HECW2: variants seen among roughly 807,000 people sequenced by gnomAD.
HECW2 encodes E3 ubiquitin-protein ligase HECW2.
In HECW2, 61 loss-of-function variants were observed where a neutral mutation model predicts 175.2. The ratio of observed to expected loss-of-function variants is 0.35; its 90% confidence interval spans 0.28 to 0.43. HECW2 has a LOEUF of 0.43. Among genes scored for constraint, HECW2 ranks in the 20% least tolerant of loss-of-function variants. The pLI, the probability that HECW2 is intolerant of heterozygous loss-of-function variation, is 1.00. For synonymous variants in HECW2, 671 were observed against 731.0 expected, an observed-to-expected ratio of 0.92 and a Z score of 1.32; for missense variants, 1,524 against 2,000.5, an observed-to-expected ratio of 0.76 and a Z score of 4.54.
chr2:196,457,226 C>T (rs879318702), intron 1 of HECW2, among the ~76,000 whole-genome samples: 2 of 152,232 alleles, frequency 1.3e-5, no homozygotes, highest in Non-Finnish European at 2.9e-5. Flanking sequence ...CAATGGCTTA[C>T]AACTGCTTCA....
chr2:196,486,987 A>G (rs1687029097), intron 1 of HECW2, among the ~76,000 whole-genome samples: 1 of 152,110 alleles, frequency 6.6e-6, no homozygotes, highest in Non-Finnish European at 1.5e-5. Context: ...CTTTTTTAAA[A>G]ATTAGCCAGG....
At chr2:196,234,769 A>G (rs1418853505) in intron 21 of HECW2, among the ~76,000 whole-genome samples, 1 of 152,214 alleles carries the variant, frequency 6.6e-6, no homozygotes, top group East Asian at 1.9e-4. Flanking sequence ...ACTTCTTAGT[A>G]GACTGATGCC....
intron 3 of HECW2, among the ~76,000 whole-genome samples, chr2:196,337,719 C>T (rs1191568377): frequency 2.0e-5 from 3 of 151,092 alleles, no homozygotes; most frequent in East Asian, 1.9e-4. Flanking sequence ...ATTCACTAAT[C>T]GAAAGCATGT....
In HECW2 at chr2:196,538,091, G is replaced by A. The variant is rs564099657; in HGVS notation, c.-36+55417C>T. On this transcript the variant is annotated intron_variant, in intron 1 of 28. Transcript: ENST00000644978. Reference sequence around the variant, plus strand: ...TAACACTCGTACTCAACAGAAAGACGAAGGAGTCCGACAGAGACAGTCAAG... The same window carrying A: ...TAACACTCGTACTCAACAGAAAGACAAAGGAGTCCGACAGAGACAGTCAAG... Among the ~76,000 whole-genome samples, 303 of 152,294 alleles carry A rather than the reference G, an allele frequency of 2.0e-3. 13 individuals carry two copies. In the South Asian group the frequency reaches 0.057, roughly 29 times the overall value.
chr2:196,273,253 G>C (rs10186628), intron 16 of HECW2, among the ~76,000 whole-genome samples: 1 of 152,004 alleles, frequency 6.6e-6, no homozygotes, highest in Non-Finnish European at 1.5e-5. Flanking sequence ...ATTTTTAGTA[G>C]AGACGGGGTT....
intron 2 of HECW2, among the ~76,000 whole-genome samples, chr2:196,382,190 A>ATG (rs914089752): frequency 1.4e-5 from 2 of 144,938 alleles, no homozygotes; most frequent in African/African-American, 2.5e-5. Flanking sequence ...ATGTATGTAT[A>ATG]TGTGTGTGTG....
At chr2:196,314,569 T>A (rs1259918901) in intron 10 of HECW2, among the ~76,000 whole-genome samples, 1 of 152,190 alleles carries the variant, frequency 6.6e-6, no homozygotes, top group Non-Finnish European at 1.5e-5. Flanking sequence ...TGGGCTTCAG[T>A]TTCTGCAACT....
intron 1 of HECW2, among the ~76,000 whole-genome samples, chr2:196,557,082 C>T (rs10194590): frequency 0.048 from 7,258 of 151,996 alleles, 572 homozygotes; most frequent in African/African-American, 0.17. Flanking sequence ...TTTTTTAACC[C>T]ATTAAATTGA....
At chr2:196,269,824 A>C (rs1446295030) in intron 17 of HECW2, among the ~76,000 whole-genome samples, 3 of 152,190 alleles carry the variant, frequency 2.0e-5, no homozygotes, top group Admixed American at 2.0e-4. Context: ...GTCAAGACCA[A>C]AGGTTATTGC....
chr2:196,421,993 T>G (rs1166339366), intron 2 of HECW2, among the ~76,000 whole-genome samples: 1 of 152,156 alleles, frequency 6.6e-6, no homozygotes, highest in Non-Finnish European at 1.5e-5. Context: ...GGAAGATCCG[T>G]GATAGTCTGA....
At chr2:196,335,225 CT>C (rs1692508365) in intron 3 of HECW2, among the ~76,000 whole-genome samples, 2 of 152,146 alleles carry the variant, frequency 1.3e-5, no homozygotes, top group Non-Finnish European at 2.9e-5. Context: ...ACATTTTTTT[CT>C]GATAATTCCA....
intron 2 of HECW2, among the ~76,000 whole-genome samples, chr2:196,360,410 C>G (rs183439981): frequency 1.2e-3 from 184 of 152,270 alleles, no homozygotes; most frequent in Non-Finnish European, 1.6e-3. Context: ...ATGGATGGAG[C>G]TGGAGGCCAT....
At chr2:196,246,318 A>G (rs1454022859) in intron 19 of HECW2, among the ~76,000 whole-genome samples, 1 of 152,240 alleles carries the variant, frequency 6.6e-6, no homozygotes, top group Non-Finnish European at 1.5e-5. Flanking sequence ...TTCAAGAGCA[A>G]AATCATTGAT....
intron 17 of HECW2, among the ~76,000 whole-genome samples, chr2:196,266,942 T>C (rs1689540694): frequency 6.6e-6 from 1 of 152,170 alleles, no homozygotes; most frequent in Non-Finnish European, 1.5e-5. Context: ...CACATATCCA[T>C]TTGCCTTTTG....
chr2:196,267,714 C>T (rs1689570216), intron 17 of HECW2, among the ~76,000 whole-genome samples: 1 of 152,194 alleles, frequency 6.6e-6, no homozygotes. Context: ...GAAAACTATA[C>T]ATAGATGCAA....
At position 196,433,163 on chromosome 2, in the gene HECW2, G is replaced by A. The variant is rs1480990229; in HGVS notation, c.261C>T (p.Asp87=). The A allele has an allele frequency of 6.2e-7, 1 of 1,613,678 alleles. No homozygotes were observed. The highest frequency in any genetic ancestry group is 1.3e-5 in the African/African-American group (1 of 74,902). Residue 87 remains aspartate, a synonymous_variant, in exon 2 of 29, where the codon GAC becomes GAT. Transcript: ENST00000644978. ...GATAAAGTCCAATCCAATCACTGGGGTCCACCTCCTCTTTAATGTCCCAGA... is the reference window on the plus strand; with the variant it reads ...GATAAAGTCCAATCCAATCACTGGGATCCACCTCCTCTTTAATGTCCCAGA... ...IIFWDIKEEV[D]PSDWIGLYHI... is the part of the protein sequence containing the mutation.
At chr2:196,556,924 C>T (rs1357117561) in intron 1 of HECW2, among the ~76,000 whole-genome samples, 1 of 152,072 alleles carries the variant, frequency 6.6e-6, no homozygotes, top group Non-Finnish European at 1.5e-5. Context: ...AGTTGATAGC[C>T]TTAAAAATTA....
chr2:196,378,261 C>A (rs1694105660), intron 2 of HECW2, among the ~76,000 whole-genome samples: 2 of 152,146 alleles, frequency 1.3e-5, no homozygotes, highest in African/African-American at 4.8e-5. Context: ...TGCACCACCA[C>A]CCCCATACAC....
intron 2 of HECW2, among the ~76,000 whole-genome samples, chr2:196,378,910 A>G (rs1694125363): frequency 6.6e-6 from 1 of 152,166 alleles, no homozygotes; most frequent in Non-Finnish European, 1.5e-5. Context: ...GGGCAGTCAG[A>G]CTCTTGTGTA....
Sources: allele counts gnomAD v4.1 joint callset (sites outside exome capture counted in the v4.1 genomes callset), GRCh38; gene constraint gnomAD v4.1.1; transcripts MANE v1.5; gene names NCBI Gene and HGNC (gene_info 2026-07-23, HGNC 2026-07-21).